MIPOL1: variants seen among roughly 807,000 people sequenced by gnomAD.
MIPOL1 encodes the protein mirror-image polydactyly gene 1 protein.
In MIPOL1, 57 loss-of-function variants were observed where a neutral mutation model predicts 60.9. The observed-to-expected ratio is 0.94, with a 90% CI of 0.76 to 1.17. The LOEUF is 1.17. MIPOL1 is among the 50% of genes most tolerant of loss of function. The pLI is 0.00. For synonymous variants in MIPOL1, 179 were observed against 168.8 expected (o/e 1.06, Z -0.47); for missense variants, 551 against 511.6 (o/e 1.08, Z -0.74).
intron 7 of MIPOL1, among the ~76,000 whole-genome samples, chr14:37,298,358 A>G (rs1288143674): frequency 6.6e-6 from 1 of 152,094 alleles, no homozygotes; most frequent in Admixed American, 6.6e-5. Flanking sequence ...CTACAAGAAA[A>G]CCTAGGCAAT....
intron 11 of MIPOL1, among the ~76,000 whole-genome samples, chr14:37,479,530 G>A (rs1169872): frequency 0.77 from 117,141 of 152,028 alleles, 45,659 homozygotes; most frequent in African/African-American, 0.89. Flanking sequence ...AGCTTATGGT[G>A]TAGAGGAAAG....
chr14:37,480,066 T>G (rs1211144541), intron 11 of MIPOL1, among the ~76,000 whole-genome samples: 2 of 152,132 alleles, frequency 1.3e-5, no homozygotes, highest in African/African-American at 4.8e-5. Context: ...CATAAAAAGT[T>G]GCCCAGGACC....
At chr14:37,280,390 C>T (rs897943797) in intron 6 of MIPOL1, among the ~76,000 whole-genome samples, 1 of 152,116 alleles carries the variant, frequency 6.6e-6, no homozygotes, top group Admixed American at 6.5e-5. Context: ...TTTGTGGAAC[C>T]TCATACCGTT....
intron 10 of MIPOL1, among the ~76,000 whole-genome samples, chr14:37,382,147 G>C (rs536945036): frequency 6.6e-6 from 1 of 152,016 alleles, no homozygotes; most frequent in East Asian, 1.9e-4. Flanking sequence ...TTCATTCTTT[G>C]AGTTTTAACT....
intron 9 of MIPOL1, among the ~76,000 whole-genome samples, chr14:37,334,976 T>C (rs2089998319): frequency 6.6e-6 from 1 of 152,104 alleles, no homozygotes; most frequent in African/African-American, 2.4e-5. Context: ...GCTGTGAACA[T>C]TAATGTATAG....
rs182915893 is a variant in MIPOL1, at chr14:37,484,495, G to A, written c.1032-15413G>A. On this transcript the variant is annotated intron_variant, in intron 11 of 12. Transcript: ENST00000684589. Reference sequence around the variant, plus strand: ...TGGGACTACAGGAGTGTCCTACCGCGCCCAGCACATTTTTGTATTTTTAGT... The same window carrying A: ...TGGGACTACAGGAGTGTCCTACCGCACCCAGCACATTTTTGTATTTTTAGT... Among the ~76,000 whole-genome samples, 4 of 151,920 alleles carry A rather than the reference G, an allele frequency of 2.6e-5. No homozygotes were observed. The East Asian group carries it at 5.8e-4, about 22-fold the overall frequency.
chr14:37,545,926 A>G (rs1272638481), intron 12 of MIPOL1: 2 of 315,518 alleles, frequency 6.3e-6, no homozygotes, highest in African/African-American at 4.2e-5. Context: ...TGAGAGAGGA[A>G]GATTGTGTAT....
chr14:37,253,939 A>G (rs1274492199), intron 3 of MIPOL1, among the ~76,000 whole-genome samples: 1 of 151,776 alleles, frequency 6.6e-6, no homozygotes, highest in Admixed American at 6.6e-5. Context: ...TTAAGATTGC[A>G]TTTAAAAAAT....
chr14:37,308,400 A>C lies in MIPOL1; in HGVS notation c.709A>C (p.Ile237Leu), dbSNP rs773563660. The C allele has an allele frequency of 1.2e-6, 2 of 1,602,028 alleles. No individual in the cohort carries two copies. Among genetic ancestry groups the C allele is most frequent in the African/African-American group, 1.3e-5 (1 of 74,464 alleles). ...RINNADTGIA[I>L]QKNGAIIVDR... The stretch of plus-strand genomic sequence containing the variant: ...AAACAATGCAGACACAGGGATAGCT[A>C]TTCAGAAGAATGGAGCTATAATTGT... Residue 237 changes from isoleucine to leucine, a missense_variant, in exon 9 of 13, where the codon ATT becomes CTT. Ile to Leu is a conservative substitution (Grantham distance 5, BLOSUM62 2). Transcript: ENST00000684589.
chr14:37,489,951 G>C (rs1168638275), intron 11 of MIPOL1, among the ~76,000 whole-genome samples: 1 of 152,186 alleles, frequency 6.6e-6, no homozygotes, highest in East Asian at 1.9e-4. Context: ...TGAGGAGGCA[G>C]TCTGACCCTT....
intron 11 of MIPOL1, among the ~76,000 whole-genome samples, chr14:37,495,389 T>C (rs1488888542): frequency 1.3e-5 from 2 of 149,870 alleles, no homozygotes; most frequent in Non-Finnish European, 3.0e-5. Flanking sequence ...TGTTTGGTTT[T>C]TTGTTCTTGC....
intron 10 of MIPOL1, among the ~76,000 whole-genome samples, chr14:37,376,033 T>A (rs2092767971): frequency 6.6e-6 from 1 of 152,182 alleles, no homozygotes; most frequent in Non-Finnish European, 1.5e-5. Context: ...AAAATAAACT[T>A]TGCTTTTTAG....
chr14:37,428,687 G>A (rs1356585951), intron 11 of MIPOL1, among the ~76,000 whole-genome samples: 3 of 138,914 alleles, frequency 2.2e-5, no homozygotes, highest in South Asian at 4.8e-4. Context: ...TTCTGGTTTA[G>A]TGTAAGAGCT....
intron 10 of MIPOL1, among the ~76,000 whole-genome samples, chr14:37,392,511 T>G (rs1299497274): frequency 6.6e-6 from 1 of 152,204 alleles, no homozygotes; most frequent in Non-Finnish European, 1.5e-5. Context: ...GTATACCTTT[T>G]ATTTCCTTTT....
At chr14:37,467,361 A>G (rs2094611468) in intron 11 of MIPOL1, among the ~76,000 whole-genome samples, 1 of 152,232 alleles carries the variant, frequency 6.6e-6, no homozygotes, top group Non-Finnish European at 1.5e-5. Context: ...ATTAGGGATC[A>G]TCTTGGTGTA....
Position 37,268,644 on chromosome 14 carries a change from T to C in MIPOL1, c.252-14T>C. 1 of 1,561,628 alleles carries C rather than the reference T, an allele frequency of 6.4e-7. No homozygotes were observed. The highest frequency in any genetic ancestry group is 8.6e-7 in the Non-Finnish European group (1 of 1,157,020). On this transcript the variant is annotated splice_polypyrimidine_tract_variant and intron_variant, in intron 4 of 12. Coordinates refer to ENST00000684589, the MANE Select transcript of MIPOL1 (RefSeq NM_001388067.1). Reference sequence around the variant, plus strand: ...TATCTTACTCTGAAATGTTAATCAGTTTCTTTATTACAGCGTTATGGAACA... The same window carrying C: ...TATCTTACTCTGAAATGTTAATCAGCTTCTTTATTACAGCGTTATGGAACA...
At chr14:37,205,128 A>G (rs1965881875) in intron 1 of MIPOL1, among the ~76,000 whole-genome samples, 1 of 150,110 alleles carries the variant, frequency 6.7e-6, no homozygotes, top group African/African-American at 2.5e-5. Context: ...TTTGAGACGG[A>G]GTTTTGCTTT....
rs1471269750 is a variant in MIPOL1 at position 37,549,482 on chromosome 14, G to C, written c.*2511G>C. 6.6e-6 allele frequency: 1 copy of C among 151,668 alleles called. No homozygotes were observed. The highest frequency in any genetic ancestry group is 1.5e-5 in the Non-Finnish European group (1 of 67,760). The allele number at this position is 151,668 out of a possible 1,614,324, so 9.4% of individuals were successfully genotyped here. ...TTATTATTATATTCATTCTACAGAT[G>C]AGGAAACAGACTCAGTAAGCCTTGG... On this transcript the variant is annotated 3_prime_UTR_variant, in exon 13 of 13. Transcript: ENST00000684589.
intron 9 of MIPOL1, among the ~76,000 whole-genome samples, chr14:37,347,897 T>G (rs1049726606): frequency 6.6e-6 from 1 of 152,236 alleles, no homozygotes; most frequent in Non-Finnish European, 1.5e-5. Flanking sequence ...AACTTTTTTT[T>G]CTTCGTTAAT....
Sources: gnomAD v4.1 joint callset for allele counts (sites outside exome capture counted in the v4.1 genomes callset) on GRCh38, gnomAD v4.1.1 for gene constraint, MANE v1.5 for transcripts, NCBI Gene and HGNC (gene_info 2026-07-23, HGNC 2026-07-21) for gene names.